DNAAF11: variants seen among roughly 807,000 people sequenced by gnomAD.
DNAAF11 encodes dynein axonemal assembly factor 11, also known as leucine rich repeat containing 6.
DNAAF11 carries 45 observed loss-of-function variants against 60.8 expected under a neutral mutation model. The ratio of observed to expected loss-of-function variants is 0.74; its 90% CI spans 0.58 to 0.95. The LOEUF is 0.95. DNAAF11 is among the 40% of genes least tolerant of loss of function. The pLI is 0.00. For missense variants in DNAAF11, 546 were observed against 546.2 expected (o/e 1.00, Z 0.00); for synonymous variants, 191 against 183.5 (o/e 1.04, Z -0.33).
chr8:132,701,111 C>T, the DNAAF11 span, among the ~76,000 whole-genome samples: 368 of 152,236 alleles, frequency 2.4e-3, 1 homozygote, highest in Non-Finnish European at 4.4e-3. Flanking sequence ...AGAGGGAGCC[C>T]TCATGGCCTA....
chr8:132,587,034 C>T (rs1285186630), intron 10 of DNAAF11, among the ~76,000 whole-genome samples: 1 of 152,000 alleles, frequency 6.6e-6, no homozygotes, highest in Non-Finnish European at 1.5e-5. Context: ...CTCTTGAACC[C>T]AAAGTACAAG....
chr8:132,646,173 G>A (rs986546251), intron 3 of DNAAF11, among the ~76,000 whole-genome samples: 1 of 152,220 alleles, frequency 6.6e-6, no homozygotes, highest in Non-Finnish European at 1.5e-5. Context: ...GAGAGTGGGG[G>A]CCAATATTCA....
At chr8:132,611,446 G>A (rs748430099) in intron 8 of DNAAF11, 83 bp from the exon 9 acceptor site, 3 of 737,578 alleles carry the variant, frequency 4.1e-6, no homozygotes, top group African/African-American at 1.8e-5. Context: ...ACACTTACAG[G>A]ACCATTTTAA....
chr8:132,662,146 C>T (rs1031159881), intron 1 of DNAAF11, among the ~76,000 whole-genome samples: 8 of 152,170 alleles, frequency 5.3e-5, no homozygotes, highest in African/African-American at 1.4e-4. Context: ...AGAAAAGGAA[C>T]GCTTTAGATC....
intron 1 of DNAAF11, among the ~76,000 whole-genome samples, chr8:132,674,150 G>A (rs916684401): frequency 6.8e-6 from 1 of 148,084 alleles, no homozygotes; most frequent in Non-Finnish European, 1.5e-5. Flanking sequence ...AGGAGGAAGA[G>A]GAGGAGGAGA....
intron 10 of DNAAF11, among the ~76,000 whole-genome samples, chr8:132,585,570 T>C (rs1815805118): frequency 6.6e-6 from 1 of 152,138 alleles, no homozygotes; most frequent in Non-Finnish European, 1.5e-5. Flanking sequence ...ACTAAAGACA[T>C]TAAATACCAA....
chr8:132,652,099 A>G (rs763216037), intron 3 of DNAAF11, among the ~76,000 whole-genome samples: 32 of 152,220 alleles, frequency 2.1e-4, no homozygotes, highest in Non-Finnish European at 4.1e-4. Context: ...ACCTAAGTAA[A>G]GTCCTCCTAA....
chr8:132,675,542 T>C lies in DNAAF11; in HGVS notation c.-49A>G. The C allele has an allele frequency of 6.4e-7, 1 of 1,551,034 alleles. No individual in the cohort carries two copies. The highest frequency in any genetic ancestry group is 1.2e-5 in the South Asian group (1 of 83,992). On this transcript the variant is annotated 5_prime_UTR_variant, in exon 1 of 12. Transcript: ENST00000620350. ...CCGCAAGCCGGACCCGGACCTCGAA[T>C]GACGCTTTTCACCCTTCACCCCTGC...
intron 3 of DNAAF11, among the ~76,000 whole-genome samples, chr8:132,653,017 T>C (rs920056009): frequency 1.4e-4 from 22 of 152,032 alleles, no homozygotes; most frequent in Non-Finnish European, 2.6e-4. Flanking sequence ...GAAAAGAAAA[T>C]GATTATTTGG....
the DNAAF11 span, among the ~76,000 whole-genome samples, chr8:132,695,581 G>T: frequency 2.6e-5 from 4 of 152,136 alleles, no homozygotes; most frequent in East Asian, 7.7e-4. Flanking sequence ...CTAAGAATGA[G>T]ACTGGGCGAG....
rs1814208174 is a variant in DNAAF11 at position 132,571,653 on chromosome 8, C to T, written c.*653G>A. Among the ~76,000 whole-genome samples the T allele has an allele frequency of 1.3e-5, 2 of 152,070 alleles. No homozygotes were observed. The highest frequency in any genetic ancestry group is 2.4e-5 in the African/African-American group (1 of 41,410). On this transcript the variant is annotated 3_prime_UTR_variant, in exon 12 of 12. Coordinates refer to ENST00000620350, the MANE Select transcript of DNAAF11 (RefSeq NM_012472.6). ...CTCTAAATGTATGGCTGACACTGTA[C>T]TAAGTGCTTTCTGCAGTTTATCTTG...
At chr8:132,656,178 G>C (rs111454654) in intron 3 of DNAAF11, among the ~76,000 whole-genome samples, 13 of 151,958 alleles carry the variant, frequency 8.6e-5, no homozygotes, top group African/African-American at 3.1e-4. Flanking sequence ...CCCTTTCCTG[G>C]ATATCAAAAA....
chr8:132,594,234 A>G (rs904952021), intron 10 of DNAAF11, among the ~76,000 whole-genome samples: 65 of 152,180 alleles, frequency 4.3e-4, no homozygotes, highest in Admixed American at 2.8e-3. Flanking sequence ...TATTCCAGTC[A>G]TTGGCTGAAT....
intron 5 of DNAAF11, among the ~76,000 whole-genome samples, chr8:132,629,478 GC>G (rs1293578566): frequency 6.6e-6 from 1 of 151,886 alleles, no homozygotes; most frequent in Non-Finnish European, 1.5e-5. Flanking sequence ...CTCCCGAGTA[GC>G]TGGGACTACA....
chr8:132,612,846 T>G (rs1418051006), intron 8 of DNAAF11, among the ~76,000 whole-genome samples: 1 of 152,180 alleles, frequency 6.6e-6, no homozygotes, highest in Non-Finnish European at 1.5e-5. Context: ...ATCATGGGAA[T>G]GAAAGAGTTT....
intron 3 of DNAAF11, among the ~76,000 whole-genome samples, chr8:132,651,048 G>A (rs1042770780): frequency 3.3e-5 from 5 of 152,078 alleles, no homozygotes; most frequent in Non-Finnish European, 7.4e-5. Context: ...TCTGGAGTTC[G>A]GCACTGCTTC....
intron 3 of DNAAF11, among the ~76,000 whole-genome samples, chr8:132,644,246 G>A (rs1221784239): frequency 1.3e-5 from 2 of 151,996 alleles, no homozygotes; most frequent in Admixed American, 6.6e-5. Context: ...TATCTCAACT[G>A]GAAACAGAGG....
Position 132,622,671 on chromosome 8 carries a change from A to C in DNAAF11, c.854T>G (p.Val285Gly), listed in dbSNP as rs746337258. The change falls in exon 7 of 12, where the codon GTG (valine) becomes GGG (glycine). Residue 285 changes from valine (V) to glycine (G), a missense_variant. Transcript: ENST00000620350. ...AGTGATCAAAGTCCTGGGTGGTTTC[A>C]CTTTCTTCTTTTTTTCACTTAAGAT... ...QEKLSEKKKK[V>G]KPPRTLITED... 1 of 1,613,308 alleles carries C rather than the reference A, an allele frequency of 6.2e-7. No homozygotes were observed. The highest frequency in any genetic ancestry group is 8.5e-7 in the Non-Finnish European group (1 of 1,179,530).
At chr8:132,636,589 C>T (rs1821319586) in intron 4 of DNAAF11, among the ~76,000 whole-genome samples, 1 of 152,152 alleles carries the variant, frequency 6.6e-6, no homozygotes, top group Non-Finnish European at 1.5e-5. Context: ...CTAGCCTGAC[C>T]AGGCTCAGCT....
Sources: gnomAD v4.1 joint callset for allele counts (sites outside exome capture counted in the v4.1 genomes callset) on GRCh38, gnomAD v4.1.1 for gene constraint, MANE v1.5 for transcripts, NCBI Gene and HGNC (gene_info 2026-07-23, HGNC 2026-07-21) for gene names.